Variants in REC114 observed in about 807,000 individuals in gnomAD.
REC114 encodes the protein REC114 meiotic recombination protein.
REC114 carries 27 observed loss-of-function variants against 31.3 expected under a neutral mutation model. That is an observed-to-expected ratio of 0.86 (90% confidence interval 0.64 to 1.19). The LOEUF (loss-of-function observed/expected upper bound fraction) is 1.19. REC114 is among the 50% of genes most tolerant of loss of function. REC114 has a pLI of 0.00. For synonymous variants in REC114, 134 were observed against 127.7 expected, an observed-to-expected ratio of 1.05 and a Z score of -0.33; for missense variants, 344 against 326.9, an observed-to-expected ratio of 1.05 and a Z score of -0.40.
At chr15:73,460,509 G>A (rs944952818) in intron 1 of REC114, among the ~76,000 whole-genome samples, 1 of 152,120 alleles carries the variant, frequency 6.6e-6, no homozygotes, top group African/African-American at 2.4e-5. Context: ...AATAAAGTAA[G>A]GTGTTTCCTT....
At chr15:73,471,862 T>C (rs982490854) in intron 1 of REC114, among the ~76,000 whole-genome samples, 1 of 152,138 alleles carries the variant, frequency 6.6e-6, no homozygotes, top group African/African-American at 2.4e-5. Context: ...GCAACAACAT[T>C]GATGGAGCCA....
chr15:73,545,129 A>T (rs1000847140), intron 3 of REC114, among the ~76,000 whole-genome samples: 22 of 152,226 alleles, frequency 1.4e-4, no homozygotes, highest in African/African-American at 5.3e-4. Flanking sequence ...ATGAGCACTT[A>T]TCCTTAAATT....
intron 3 of REC114, among the ~76,000 whole-genome samples, chr15:73,544,009 G>C (rs911440718): frequency 4.8e-5 from 6 of 125,406 alleles, no homozygotes; most frequent in African/African-American, 1.8e-4. Context: ...GCAGTGTTGT[G>C]ATCTCTGCTC....
At chr15:73,496,050 G>C (rs944342928) in intron 2 of REC114, among the ~76,000 whole-genome samples, 1 of 151,918 alleles carries the variant, frequency 6.6e-6, no homozygotes, top group Non-Finnish European at 1.5e-5. Context: ...TTTAGAAATA[G>C]TTTCAGACTT....
intron 2 of REC114, among the ~76,000 whole-genome samples, chr15:73,530,657 G>A (rs1236463252): frequency 6.6e-6 from 1 of 151,964 alleles, no homozygotes; most frequent in African/African-American, 2.4e-5. Context: ...CCAGAAAAAA[G>A]AAAATGTAAT....
chr15:73,466,333 T>C (rs1893058745), intron 1 of REC114, among the ~76,000 whole-genome samples: 1 of 151,826 alleles, frequency 6.6e-6, no homozygotes, highest in African/African-American at 2.4e-5. Context: ...GGCAGGTGGA[T>C]CACGAGGTCA....
In REC114 at chr15:73,486,812, G is replaced by A. The variant is rs573571911; in HGVS notation, c.249+12891G>A. On this transcript the variant is annotated intron_variant, in intron 2 of 5. Coordinates refer to ENST00000331090, the MANE Select transcript of REC114 (RefSeq NM_001042367.2). ...AGCACTTTGGGAGACTGAGGTGGGC[G>A]GATCACCTGAGGTTGGGAGTTCGCA... Among the ~76,000 whole-genome samples, 33 of 152,136 alleles carry A rather than the reference G, an allele frequency of 2.2e-4. No homozygotes were observed. The Middle Eastern group carries it at 0.01, about 47-fold the overall frequency.
rs761053317 is a variant in REC114 at position 73,469,208 on chromosome 15, C to A, written c.160-4624C>A. Reference sequence around the variant, plus strand: ...GTTATTGAGAGAGGGGTATTAAAATCTGACTGTAATTGTGAACTTGTCTGT... The same window carrying A: ...GTTATTGAGAGAGGGGTATTAAAATATGACTGTAATTGTGAACTTGTCTGT... On this transcript the variant is annotated intron_variant, in intron 1 of 5. Coordinates refer to ENST00000331090, the MANE Select transcript of REC114 (RefSeq NM_001042367.2). 2.0e-5 allele frequency among the ~76,000 whole-genome samples: 3 copies of A among 152,252 alleles called. No individual in the cohort carries two copies. In the East Asian group the frequency reaches 5.8e-4, roughly 29 times the overall value.
At chr15:73,517,823 A>G (rs557125548) in intron 2 of REC114, among the ~76,000 whole-genome samples, 5 of 152,330 alleles carry the variant, frequency 3.3e-5, no homozygotes, top group African/African-American at 1.2e-4. Context: ...TTTAAATAGC[A>G]ATTGAAACTG....
intron 2 of REC114, among the ~76,000 whole-genome samples, chr15:73,517,299 A>T (rs1265202618): frequency 6.6e-6 from 1 of 152,202 alleles, no homozygotes; most frequent in Non-Finnish European, 1.5e-5. Flanking sequence ...GTTTTTACAT[A>T]AAAAAGGTAT....
At chr15:73,522,321 A>G (rs9635375) in intron 2 of REC114, among the ~76,000 whole-genome samples, 5,337 of 152,252 alleles carry the variant, frequency 0.035, 183 homozygotes, top group African/African-American at 0.088. Flanking sequence ...AGATGTTGCC[A>G]GCATAGTCTT....
intron 1 of REC114, among the ~76,000 whole-genome samples, chr15:73,459,186 A>AT (rs1377512002): frequency 6.6e-5 from 10 of 151,368 alleles, no homozygotes; most frequent in Admixed American, 5.9e-4. Flanking sequence ...TACAATTTTT[A>AT]TTTTACATTT....
chr15:73,485,416 C>T (rs1893351976), intron 2 of REC114, among the ~76,000 whole-genome samples: 1 of 152,126 alleles, frequency 6.6e-6, no homozygotes, highest in Admixed American at 6.5e-5. Flanking sequence ...ATTCTTTGGC[C>T]ACTGATATGG....
Position 73,443,215 on chromosome 15 carries a change from C to T in REC114, c.30C>T (p.Ser10=). Residue 10 remains serine, a synonymous_variant, in exon 1 of 6, where the codon AGC becomes AGT. Coordinates refer to ENST00000331090, the MANE Select transcript of REC114 (RefSeq NM_001042367.2). MAEAGKVPL[S]LGLTGGEAAE... The stretch of plus-strand genomic sequence containing the variant: ...CGGAGGCAGGAAAAGTGCCCTTGAG[C>T]CTCGGGCTTACCGGAGGAGAAGCGG... 2 of 1,575,344 alleles carry T rather than the reference C, an allele frequency of 1.3e-6. No individual in the cohort carries two copies. Among genetic ancestry groups the T allele is most frequent in the Non-Finnish European group, 8.6e-7 (1 of 1,161,492 alleles).
chr15:73,555,695 C>G, intron 4 of REC114, among the ~76,000 whole-genome samples: 1 of 152,092 alleles, frequency 6.6e-6, no homozygotes. Flanking sequence ...ACCCCAGTGT[C>G]TAGTACGTAG....
intron 2 of REC114, among the ~76,000 whole-genome samples, chr15:73,505,047 T>G (rs1372050112): frequency 6.6e-6 from 1 of 152,076 alleles, no homozygotes; most frequent in Non-Finnish European, 1.5e-5. Flanking sequence ...ACCTTTTTTT[T>G]TCCTTATCTG....
chr15:73,469,775 C>T (rs1893108365), intron 1 of REC114, among the ~76,000 whole-genome samples: 1 of 151,156 alleles, frequency 6.6e-6, no homozygotes, highest in Non-Finnish European at 1.5e-5. Context: ...AGCTCCACCT[C>T]CTGGGTTCAC....
intron 2 of REC114, among the ~76,000 whole-genome samples, chr15:73,507,971 G>T (rs1272871415): frequency 6.6e-6 from 1 of 152,120 alleles, no homozygotes; most frequent in Non-Finnish European, 1.5e-5. Context: ...TATAAACGAG[G>T]TGGATGCTAA....
At chr15:73,473,477 T>C (rs1893162851) in intron 1 of REC114, among the ~76,000 whole-genome samples, 1 of 152,124 alleles carries the variant, frequency 6.6e-6, no homozygotes, top group Non-Finnish European at 1.5e-5. Context: ...TGTAAGGTGC[T>C]ATCTCCATTT....
Sources: allele counts gnomAD v4.1 joint callset (sites outside exome capture counted in the v4.1 genomes callset), GRCh38; gene constraint gnomAD v4.1.1; transcripts MANE v1.5; gene names NCBI Gene and HGNC (gene_info 2026-07-23, HGNC 2026-07-21).